GPC5: variants seen among roughly 807,000 people sequenced by gnomAD.
GPC5 encodes glypican-5.
In GPC5, 47 loss-of-function variants were observed where a neutral mutation model predicts 53.9. The observed-to-expected ratio is 0.87, with a 90% CI of 0.69 to 1.11. The LOEUF (loss-of-function observed/expected upper bound fraction) is 1.11. Ranked by LOEUF, GPC5 falls within the 50% of genes most tolerant of loss-of-function variation. The probability of loss-of-function intolerance (pLI) is 0.00; values close to 1 mark genes in which losing one functional copy is unlikely to be tolerated. For missense variants in GPC5, 748 were observed against 713.1 expected, an observed-to-expected ratio of 1.05 and a Z score of -0.56; for synonymous variants, 286 against 263.3, an observed-to-expected ratio of 1.09 and a Z score of -0.84.
intron 2 of GPC5, among the ~76,000 whole-genome samples, chr13:91,516,066 C>T (rs955951273): frequency 3.9e-5 from 6 of 152,132 alleles, no homozygotes; most frequent in South Asian, 2.1e-4. Flanking sequence ...TCCCACAACA[C>T]GTGGGAGTTC....
intron 7 of GPC5, among the ~76,000 whole-genome samples, chr13:92,651,734 T>C (rs1328904171): frequency 6.6e-6 from 1 of 152,158 alleles, no homozygotes; most frequent in Non-Finnish European, 1.5e-5. Flanking sequence ...ATAGGAGAAA[T>C]TTGATGTGGG....
intron 2 of GPC5, among the ~76,000 whole-genome samples, chr13:91,671,766 A>C (rs1484179817): frequency 1.4e-5 from 2 of 146,518 alleles, no homozygotes; most frequent in East Asian, 3.9e-4. Flanking sequence ...CTGTATAGCC[A>C]AGACAATCTG....
At chr13:92,175,336 T>C (rs988605136) in intron 7 of GPC5, among the ~76,000 whole-genome samples, 5 of 152,234 alleles carry the variant, frequency 3.3e-5, no homozygotes, top group Admixed American at 6.5e-5. Flanking sequence ...TCTATACATA[T>C]ATAAAAGCAT....
At chr13:91,430,354 G>A (rs1879359368) in intron 1 of GPC5, among the ~76,000 whole-genome samples, 1 of 152,162 alleles carries the variant, frequency 6.6e-6, no homozygotes, top group Non-Finnish European at 1.5e-5. Flanking sequence ...AATCCTAGTT[G>A]GCTTAAACCA....
intron 6 of GPC5, among the ~76,000 whole-genome samples, chr13:91,916,370 CA>C (rs1220440275): frequency 1.3e-5 from 2 of 151,652 alleles, no homozygotes; most frequent in Non-Finnish European, 2.9e-5. Context: ...TCATATTATC[CA>C]AAAAAAGAAA....
chr13:92,432,769 T>C (rs1877149803), intron 7 of GPC5, among the ~76,000 whole-genome samples: 1 of 152,176 alleles, frequency 6.6e-6, no homozygotes, highest in African/African-American at 2.4e-5. Flanking sequence ...TGAGGAAACA[T>C]CAAGAGTTTG....
chr13:91,420,607 A>G (rs1878547165), intron 1 of GPC5, among the ~76,000 whole-genome samples: 2 of 152,136 alleles, frequency 1.3e-5, no homozygotes, highest in South Asian at 2.1e-4. Flanking sequence ...AATAAAATCT[A>G]TTTCCTCTCT....
intron 5 of GPC5, among the ~76,000 whole-genome samples, chr13:91,884,786 TG>T: frequency 6.6e-6 from 1 of 152,332 alleles, no homozygotes; most frequent in Non-Finnish European, 1.5e-5. Context: ...GGTCAGAATC[TG>T]GACATTTTGA....
chr13:92,832,038 T>G (rs551036375), intron 7 of GPC5, among the ~76,000 whole-genome samples: 20 of 152,254 alleles, frequency 1.3e-4, no homozygotes, highest in African/African-American at 4.8e-4. Context: ...TTCTATTTTT[T>G]TCAATGAAAA....
intron 7 of GPC5, among the ~76,000 whole-genome samples, chr13:92,564,820 C>G (rs997760850): frequency 8.6e-5 from 13 of 152,028 alleles, no homozygotes; most frequent in Non-Finnish European, 1.5e-4. Flanking sequence ...ATAATGGCCT[C>G]CAGCTAACAC....
intron 7 of GPC5, among the ~76,000 whole-genome samples, chr13:92,517,216 G>A (rs1264615571): frequency 6.6e-6 from 1 of 152,174 alleles, no homozygotes; most frequent in Non-Finnish European, 1.5e-5. Context: ...GCAGCTCAAG[G>A]AGGCCTGCCT....
chr13:92,734,793 C>T (rs1171657570), intron 7 of GPC5, among the ~76,000 whole-genome samples: 1 of 151,858 alleles, frequency 6.6e-6, no homozygotes, highest in Non-Finnish European at 1.5e-5. Flanking sequence ...CTAAAATCTT[C>T]CACAGAAAAA....
intron 2 of GPC5, among the ~76,000 whole-genome samples, chr13:91,520,817 ATC>A (rs1885771478): frequency 6.6e-6 from 1 of 152,018 alleles, no homozygotes; most frequent in Admixed American, 6.6e-5. Context: ...CAACAATAAG[ATC>A]TGTCAACACT....
At chr13:91,399,447 C>T (rs1347418056) in intron 1 of GPC5, among the ~76,000 whole-genome samples, 1 of 152,192 alleles carries the variant, frequency 6.6e-6, no homozygotes, top group Non-Finnish European at 1.5e-5. Flanking sequence ...ATCTGCTTCC[C>T]GCCCGGCTCC....
intron 5 of GPC5, among the ~76,000 whole-genome samples, chr13:91,816,743 C>T (rs1056494255): frequency 6.6e-6 from 1 of 152,152 alleles, no homozygotes; most frequent in African/African-American, 2.4e-5. Flanking sequence ...ATCCCCTTCT[C>T]CCATTTTTAA....
intron 7 of GPC5, among the ~76,000 whole-genome samples, chr13:92,180,344 C>A (rs757712831): frequency 6.6e-6 from 1 of 152,120 alleles, no homozygotes; most frequent in Non-Finnish European, 1.5e-5. Context: ...AAAATAATAT[C>A]CAATAAAACA....
intron 7 of GPC5, among the ~76,000 whole-genome samples, chr13:92,514,385 A>G (rs1256382725): frequency 6.6e-6 from 1 of 152,152 alleles, no homozygotes; most frequent in African/African-American, 2.4e-5. Context: ...GAAAGAGCCC[A>G]GGGAAATTTA....
rs1188688999 is a variant in GPC5 at position 92,661,576 on chromosome 13, G to T, written c.1562-204706G>T. On this transcript the variant is annotated intron_variant, in intron 7 of 7. Transcript: ENST00000377067. ...AGTGTCTAAAATCATAGACTATAAT[G>T]ATTATGTAAGATTTGCCCTTTGGTT... Among the ~76,000 whole-genome samples the T allele has an allele frequency of 4.6e-5, 7 of 152,220 alleles. No homozygotes were observed. In the South Asian group the frequency reaches 1.0e-3, roughly 23 times the overall value.
chr13:92,417,223 A>G (rs540985487), intron 7 of GPC5, among the ~76,000 whole-genome samples: 3 of 152,386 alleles, frequency 2.0e-5, no homozygotes, highest in East Asian at 3.9e-4. Flanking sequence ...CCAAAAAATC[A>G]TACTCAGATG....
Sources: gnomAD v4.1 joint callset for allele counts (sites outside exome capture counted in the v4.1 genomes callset) on GRCh38, gnomAD v4.1.1 for gene constraint, MANE v1.5 for transcripts, NCBI Gene and HGNC (gene_info 2026-07-23, HGNC 2026-07-21) for gene names.